Variants in RAP1GAP2 observed in about 807,000 individuals in gnomAD.
RAP1GAP2 encodes RAP1 GTPase activating protein 2, also known as rap1 GTPase-activating protein 2.
RAP1GAP2 carries 27 observed loss-of-function variants against 95.0 expected under a neutral mutation model. That is an observed-to-expected ratio of 0.28 (90% confidence interval 0.21 to 0.39). RAP1GAP2 has a LOEUF of 0.39. Ranked by LOEUF, RAP1GAP2 falls within the 10% of genes least tolerant of loss-of-function variation. The pLI, the probability that RAP1GAP2 is intolerant of heterozygous loss-of-function variation, is 1.00. For synonymous variants in RAP1GAP2, 373 were observed against 380.9 expected, an observed-to-expected ratio of 0.98 and a Z score of 0.24; for missense variants, 771 against 970.0, an observed-to-expected ratio of 0.79 and a Z score of 2.72.
intron 11 of RAP1GAP2, among the ~76,000 whole-genome samples, chr17:2,985,936 C>T (rs1030701708): frequency 6.6e-6 from 1 of 152,106 alleles, no homozygotes. Context: ...GAGGGGTTAG[C>T]TGAACACACT....
At chr17:2,813,840 G>A (rs762565503) in intron 2 of RAP1GAP2, among the ~76,000 whole-genome samples, 1 of 152,206 alleles carries the variant, frequency 6.6e-6, no homozygotes, top group Non-Finnish European at 1.5e-5. Context: ...GCACGTGCCT[G>A]TAATCGTAGC....
chr17:2,972,417 G>T (rs368189973), intron 8 of RAP1GAP2, among the ~76,000 whole-genome samples: 2 of 152,250 alleles, frequency 1.3e-5, no homozygotes, highest in African/African-American at 2.4e-5. Flanking sequence ...ATCACCTGAG[G>T]TCAGGAGTTC....
At chr17:2,795,127 G>A (rs536174701), upstream of RAP1GAP2, among the ~76,000 whole-genome samples, 15 of 151,448 alleles carry the variant, frequency 9.9e-5, no homozygotes, top group Admixed American at 4.6e-4. Flanking sequence ...ATCCACCCGC[G>A]TTGGCCTCCC....
chr17:2,820,278 G>C (rs1287085888), intron 2 of RAP1GAP2, among the ~76,000 whole-genome samples: 2 of 152,112 alleles, frequency 1.3e-5, no homozygotes, highest in African/African-American at 4.8e-5. Flanking sequence ...GTACCTAGAG[G>C]TGGGGCTGTT....
chr17:2,830,346 G>A lies in RAP1GAP2; in HGVS notation c.80+29796G>A, dbSNP rs143290965. ...GGAGAATAGCTTGAACCCATGAGGC[G>A]GAGGTTGCAGTGAGCCGAGGAGATC... On this transcript the variant is annotated intron_variant, in intron 2 of 24. Transcript: ENST00000254695. Among the ~76,000 whole-genome samples the A allele has an allele frequency of 5.3e-3, 814 of 152,218 alleles. 20 individuals are homozygous for A. The highest frequency in any genetic ancestry group is 0.042 in the Admixed American group (634 of 15,262).
rs921118160 is a variant in RAP1GAP2 at position 2,866,142 on chromosome 17, G to C, written c.81-39142G>C. Among the ~76,000 whole-genome samples the C allele has an allele frequency of 3.3e-5, 5 of 152,222 alleles. No individual in the cohort carries two copies. The highest frequency in any genetic ancestry group is 3.3e-4 in the Admixed American group (5 of 15,282). ...GTTGGTGGCATTTGAAGTGGGCCTCGGGGACTGGACAGGATGTCTGAAGGG... is the reference window on the plus strand; with the variant it reads ...GTTGGTGGCATTTGAAGTGGGCCTCCGGGACTGGACAGGATGTCTGAAGGG... On this transcript the variant is annotated intron_variant, in intron 2 of 24. Coordinates refer to ENST00000254695, the MANE Select transcript of RAP1GAP2 (RefSeq NM_015085.5). This position sits in a 1 kb window ranked among gnomAD's most constrained non-coding sequence, Gnocchi z 4.0.
intron 17 of RAP1GAP2, among the ~76,000 whole-genome samples, chr17:3,017,835 C>T (rs1258232865): frequency 2.0e-5 from 3 of 152,138 alleles, no homozygotes. Context: ...CTGTGCCTTG[C>T]CTCCACCCAT....
intron 11 of RAP1GAP2, among the ~76,000 whole-genome samples, chr17:2,990,609 A>G (rs1175219985): frequency 2.0e-5 from 3 of 152,138 alleles, no homozygotes; most frequent in African/African-American, 7.2e-5. Flanking sequence ...CTGTTGCCAG[A>G]TCATATAGTG....
At chr17:2,852,883 C>T (rs1597441061) in intron 2 of RAP1GAP2, among the ~76,000 whole-genome samples, 2 of 152,072 alleles carry the variant, frequency 1.3e-5, no homozygotes, top group East Asian at 1.9e-4. Context: ...CGCGACCTTC[C>T]GACCTTCCGA....
intron 19 of RAP1GAP2, among the ~76,000 whole-genome samples, chr17:3,020,821 C>T (rs117794882): frequency 0.054 from 8,202 of 152,292 alleles, 315 homozygotes; most frequent in Non-Finnish European, 0.079. Flanking sequence ...TTACTCTTGC[C>T]GCATTTTGAC....
At chr17:2,877,085 C>T (rs947555711) in intron 2 of RAP1GAP2, among the ~76,000 whole-genome samples, 10 of 151,890 alleles carry the variant, frequency 6.6e-5, no homozygotes, top group South Asian at 6.2e-4. Context: ...GACGGGGTTT[C>T]TCCATGTTGC....
chr17:2,850,295 T>C (rs1045285043), intron 2 of RAP1GAP2, among the ~76,000 whole-genome samples: 2 of 151,416 alleles, frequency 1.3e-5, no homozygotes, highest in Non-Finnish European at 2.9e-5. Flanking sequence ...CCACTGCGCC[T>C]GGCCCGCCTG....
intron 13 of RAP1GAP2, among the ~76,000 whole-genome samples, chr17:2,997,278 T>G (rs2045992123): frequency 6.6e-6 from 1 of 152,142 alleles, no homozygotes; most frequent in South Asian, 2.1e-4. Context: ...CATTCACACC[T>G]TCAAGACCCC....
chr17:3,014,785 G>C (rs1158690947), intron 17 of RAP1GAP2, among the ~76,000 whole-genome samples: 1 of 152,138 alleles, frequency 6.6e-6, no homozygotes, highest in Admixed American at 6.5e-5. Flanking sequence ...TCGAACTCCT[G>C]ACCTCAGGTG....
chr17:2,792,557 C>G (rs2068951651), upstream of RAP1GAP2, among the ~76,000 whole-genome samples: 1 of 152,234 alleles, frequency 6.6e-6, no homozygotes, highest in African/African-American at 2.4e-5. Flanking sequence ...GGGAGAGTCC[C>G]TTCCCCCTTT....
intron 17 of RAP1GAP2, among the ~76,000 whole-genome samples, chr17:3,015,332 C>G (rs17762531): frequency 6.6e-6 from 1 of 151,890 alleles, no homozygotes; most frequent in Non-Finnish European, 1.5e-5. Flanking sequence ...GGGGGCTGTC[C>G]GGTTTACAAA....
chr17:2,809,826 C>T lies in RAP1GAP2; in HGVS notation c.80+9276C>T, dbSNP rs142643401. Among the ~76,000 whole-genome samples the T allele has an allele frequency of 6.6e-3, 1,009 of 152,296 alleles. 3 individuals carry two copies. The highest frequency in any genetic ancestry group is 0.014 in the Middle Eastern group (4 of 294). ...TCAGGACACCCCTCTCCAGCCACCG[C>T]GGGAGAGGCTCTTGATGGACAGGGG... On this transcript the variant is annotated intron_variant, in intron 2 of 24. Transcript: ENST00000254695.
intron 14 of RAP1GAP2, among the ~76,000 whole-genome samples, chr17:3,002,735 C>T (rs1035648800): frequency 2.6e-5 from 4 of 152,156 alleles, no homozygotes; most frequent in African/African-American, 9.7e-5. Flanking sequence ...CACGGAGGGG[C>T]CGGGCTGCCT....
intron 2 of RAP1GAP2, among the ~76,000 whole-genome samples, chr17:2,864,820 C>G (rs182916977): frequency 4.9e-4 from 75 of 152,278 alleles, no homozygotes; most frequent in African/African-American, 1.5e-3. Flanking sequence ...CCTCCCTCCC[C>G]CTCCTGAATT....
Sources: gnomAD v4.1 joint callset for allele counts (sites outside exome capture counted in the v4.1 genomes callset) on GRCh38, gnomAD v4.1.1 for gene constraint, Gnocchi (gnomAD v3.1) non-coding constraint, MANE v1.5 for transcripts, NCBI Gene and HGNC (gene_info 2026-07-23, HGNC 2026-07-21) for gene names.